Variants in MAGI2 observed in about 807,000 individuals in gnomAD.
The protein encoded by MAGI2 is membrane-associated guanylate kinase, WW and PDZ domain-containing protein 2.
In MAGI2, 35 loss-of-function variants were observed where a neutral mutation model predicts 133.3. The ratio of observed to expected loss-of-function variants is 0.26; its 90% confidence interval spans 0.20 to 0.35. The LOEUF is 0.35. MAGI2 is among the 10% of genes least tolerant of loss of function. The probability of loss-of-function intolerance (pLI) is 1.00; values close to 1 mark genes in which losing one functional copy is unlikely to be tolerated. For missense variants in MAGI2, 1,636 were observed against 1,863.4 expected, an observed-to-expected ratio of 0.88 and a Z score of 2.25; for synonymous variants, 729 against 710.6, an observed-to-expected ratio of 1.03 and a Z score of -0.41.
At chr7:78,155,889 A>C (rs1824338177) in intron 16 of MAGI2, among the ~76,000 whole-genome samples, 1 of 152,310 alleles carries the variant, frequency 6.6e-6, no homozygotes, top group South Asian at 2.1e-4. Context: ...ATAAGTAAGA[A>C]ACCCTAACTC....
intron 20 of MAGI2, among the ~76,000 whole-genome samples, chr7:78,099,114 C>T (rs1221950965): frequency 6.6e-6 from 1 of 152,146 alleles, no homozygotes; most frequent in Non-Finnish European, 1.5e-5. Flanking sequence ...CTCTACTTCA[C>T]TTGTAAAGTT....
chr7:79,156,146 T>G (rs1006387011), intron 1 of MAGI2, among the ~76,000 whole-genome samples: 6 of 152,122 alleles, frequency 3.9e-5, no homozygotes, highest in African/African-American at 1.4e-4. Flanking sequence ...ATATAACTTC[T>G]TGTTAGATGG....
intron 1 of MAGI2, among the ~76,000 whole-genome samples, chr7:79,064,824 A>T (rs929762055): frequency 1.6e-4 from 24 of 152,074 alleles, no homozygotes; most frequent in Admixed American, 8.5e-4. Flanking sequence ...AGATAATTGG[A>T]TATGAACAGA....
At chr7:78,425,623 A>T (rs750851234) in intron 6 of MAGI2, among the ~76,000 whole-genome samples, 3 of 152,218 alleles carry the variant, frequency 2.0e-5, no homozygotes, top group Non-Finnish European at 4.4e-5. Context: ...TGCTACAGAG[A>T]TAAGAGATGA....
At chr7:79,221,432 C>T (rs1045780991) in intron 1 of MAGI2, among the ~76,000 whole-genome samples, 6 of 151,832 alleles carry the variant, frequency 4.0e-5, no homozygotes, top group African/African-American at 9.7e-5. Flanking sequence ...AGACAGGGTG[C>T]GGTTTATGGT....
At chr7:79,282,425 A>G (rs1835718307) in intron 1 of MAGI2, among the ~76,000 whole-genome samples, 1 of 152,194 alleles carries the variant, frequency 6.6e-6, no homozygotes, top group Non-Finnish European at 1.5e-5. Flanking sequence ...AGGATGGAGA[A>G]GAAACGAAGC....
intron 1 of MAGI2, among the ~76,000 whole-genome samples, chr7:79,015,844 A>T (rs1256821899): frequency 2.6e-5 from 4 of 152,004 alleles, no homozygotes; most frequent in Non-Finnish European, 5.9e-5. Context: ...AGAGATGGGG[A>T]CATTGGGAAG....
intron 6 of MAGI2, among the ~76,000 whole-genome samples, chr7:78,392,843 A>G (rs1171785058): frequency 6.6e-6 from 1 of 152,038 alleles, no homozygotes; most frequent in East Asian, 1.9e-4. Flanking sequence ...GGGTTTCTCC[A>G]TGTTGGTCGG....
chr7:78,334,310 C>T (rs996911165), intron 9 of MAGI2, among the ~76,000 whole-genome samples: 2 of 152,078 alleles, frequency 1.3e-5, no homozygotes, highest in African/African-American at 4.8e-5. Context: ...CATCACCATG[C>T]ACATGGACCT....
At chr7:78,682,261 A>G (rs1217672418) in intron 2 of MAGI2, among the ~76,000 whole-genome samples, 1 of 152,122 alleles carries the variant, frequency 6.6e-6, no homozygotes, top group South Asian at 2.1e-4. Flanking sequence ...TCTGGGATAC[A>G]TGTGTAGGAT....
At chr7:78,200,436 C>T (rs1014747903) in intron 11 of MAGI2, among the ~76,000 whole-genome samples, 11 of 152,122 alleles carry the variant, frequency 7.2e-5, no homozygotes, top group Admixed American at 2.6e-4. Context: ...TAGCATGTTT[C>T]GTAGGCCTAT....
chr7:79,016,327 C>T (rs377292368), intron 1 of MAGI2, among the ~76,000 whole-genome samples: 1 of 152,088 alleles, frequency 6.6e-6, no homozygotes, highest in South Asian at 2.1e-4. Flanking sequence ...ACCAGAGCAC[C>T]TTTGGTCTGC....
At chr7:79,050,267 C>G (rs936697418) in intron 1 of MAGI2, among the ~76,000 whole-genome samples, 3 of 152,110 alleles carry the variant, frequency 2.0e-5, no homozygotes, top group Non-Finnish European at 4.4e-5. Flanking sequence ...TTAACATCAA[C>G]ATAAAGACAA....
chr7:79,367,974 C>T (rs147990087), intron 1 of MAGI2, among the ~76,000 whole-genome samples: 32 of 151,090 alleles, frequency 2.1e-4, no homozygotes, highest in African/African-American at 6.6e-4. Context: ...ATCATCACCA[C>T]GCCTTGACCC....
At chr7:79,001,966 A>G (rs937161472) in intron 2 of MAGI2, among the ~76,000 whole-genome samples, 1 of 152,040 alleles carries the variant, frequency 6.6e-6, no homozygotes, top group Admixed American at 6.5e-5. Context: ...TTATCTATAT[A>G]TGTTTTTCAT....
At chr7:78,392,789 A>G (rs1206737360) in intron 6 of MAGI2, among the ~76,000 whole-genome samples, 2 of 152,066 alleles carry the variant, frequency 1.3e-5, no homozygotes. Context: ...GATTACAGGC[A>G]TGCGCCACTG....
intron 21 of MAGI2, among the ~76,000 whole-genome samples, chr7:78,028,388 A>G (rs368892647): frequency 1.3e-5 from 2 of 152,226 alleles, no homozygotes; most frequent in East Asian, 3.8e-4. Context: ...TGCAGCAATG[A>G]ATCTGTGGCA....
At chr7:78,971,491 G>A (rs1803779622) in intron 2 of MAGI2, among the ~76,000 whole-genome samples, 1 of 151,932 alleles carries the variant, frequency 6.6e-6, no homozygotes, top group South Asian at 2.1e-4. Context: ...GGGTAAAGGT[G>A]CTAAATGAAA....
intron 21 of MAGI2, among the ~76,000 whole-genome samples, chr7:78,036,904 A>G (rs1270599309): frequency 6.6e-6 from 1 of 152,204 alleles, no homozygotes; most frequent in Non-Finnish European, 1.5e-5. Context: ...GTGAGCCACC[A>G]TGCTTGGCCT....
Sources: allele counts gnomAD v4.1 joint callset (sites outside exome capture counted in the v4.1 genomes callset), GRCh38; gene constraint gnomAD v4.1.1; transcripts MANE v1.5; gene names NCBI Gene and HGNC (gene_info 2026-07-23, HGNC 2026-07-21).